The following DIP2B variants were observed in gnomAD, a reference collection of about 807,000 sequenced individuals.
DIP2B encodes the protein DIP2 acetate--CoA ligase B (putative), also known as disco-interacting protein 2 homolog B.
A neutral mutation model predicts 198.0 loss-of-function variants in DIP2B; 76 were observed. The observed-to-expected ratio is 0.38, with a 90% CI of 0.32 to 0.46. The LOEUF is 0.46. Among genes scored for constraint, DIP2B ranks in the 20% least tolerant of loss-of-function variants. The pLI is 0.99. For synonymous variants in DIP2B, 701 were observed against 739.1 expected (o/e 0.95, Z 0.84); for missense variants, 1,559 against 1,978.4 (o/e 0.79, Z 4.02).
intron 2 of DIP2B, among the ~76,000 whole-genome samples, chr12:50,632,434 G>A (rs1294412724): frequency 1.5e-5 from 2 of 136,296 alleles, no homozygotes; most frequent in African/African-American, 2.8e-5. Context: ...AGCCGAGATT[G>A]TGCCACTGCA....
chr12:50,534,844 G>GA (rs778539545), intron 1 of DIP2B, among the ~76,000 whole-genome samples: 2 of 152,190 alleles, frequency 1.3e-5, no homozygotes, highest in Non-Finnish European at 2.9e-5. Context: ...CTAGATGAGA[G>GA]AATCTAGTTC....
chr12:50,720,782 G>A (rs1474611262), intron 25 of DIP2B, among the ~76,000 whole-genome samples: 1 of 152,088 alleles, frequency 6.6e-6, no homozygotes, highest in East Asian at 1.9e-4. Context: ...GCAAGACCAT[G>A]TCAGAACAAA....
intron 2 of DIP2B, among the ~76,000 whole-genome samples, chr12:50,629,173 T>A (rs888374603): frequency 6.6e-6 from 1 of 152,210 alleles, no homozygotes; most frequent in East Asian, 1.9e-4. Context: ...TCAGCCACCA[T>A]GTCCTACCTA....
intron 1 of DIP2B, among the ~76,000 whole-genome samples, chr12:50,505,561 C>A (rs1011022784): frequency 3.3e-5 from 5 of 152,192 alleles, no homozygotes; most frequent in African/African-American, 1.2e-4. Context: ...GCGTCTGGCC[C>A]AGGTGGGGTG....
intron 22 of DIP2B, among the ~76,000 whole-genome samples, chr12:50,713,080 T>C (rs1250304116): frequency 6.6e-6 from 1 of 152,208 alleles, no homozygotes; most frequent in African/African-American, 2.4e-5. Context: ...CAAAATACAT[T>C]GTCTTCAGTT....
intron 1 of DIP2B, among the ~76,000 whole-genome samples, chr12:50,600,894 TCAC>T (rs34616785): frequency 0.26 from 31,182 of 121,312 alleles, 4,694 homozygotes; most frequent in East Asian, 0.54. Flanking sequence ...ATGACCACCA[TCAC>T]CACCACCACC....
In DIP2B at chr12:50,660,208, G is replaced by A. The variant is rs1301565018; in HGVS notation, c.316G>A (p.Ala106Thr). 6.2e-7 allele frequency: 1 copy of A among 1,608,318 alleles called. No homozygotes were observed. The highest frequency in any genetic ancestry group is 2.2e-5 in the East Asian group (1 of 44,734). Residue 106 changes from alanine (A) to threonine (T), a missense_variant, in exon 4 of 38, where the codon GCA (alanine) becomes ACA (threonine). Transcript: ENST00000301180. ...ERYRSDIHTEAVQAALAKHKE... is the reference protein window; with the variant it reads ...ERYRSDIHTETVQAALAKHKE... ...TGCTTTTTCAGATATCCACACAGAA[G>A]CAGTTCAGGCTGCACTGGCAAAGCA...
At chr12:50,510,171 A>G (rs1411757371) in intron 1 of DIP2B, among the ~76,000 whole-genome samples, 1 of 152,238 alleles carries the variant, frequency 6.6e-6, no homozygotes, top group Non-Finnish European at 1.5e-5. Flanking sequence ...TAGAGTGATT[A>G]TAAACTGATT....
At chr12:50,723,890 A>G (rs962639398) in intron 27 of DIP2B, among the ~76,000 whole-genome samples, 4 of 152,208 alleles carry the variant, frequency 2.6e-5, no homozygotes, top group African/African-American at 9.7e-5. Context: ...ACTTTTGTGA[A>G]TTTACTTGGT....
chr12:50,579,722 T>C (rs1244805183), intron 1 of DIP2B, among the ~76,000 whole-genome samples: 4 of 109,726 alleles, frequency 3.6e-5, no homozygotes, highest in East Asian at 2.8e-4. Flanking sequence ...TATATATACA[T>C]AGCTTCATGG....
chr12:50,700,290 CA>C (rs1409255796), intron 19 of DIP2B, among the ~76,000 whole-genome samples: 2 of 152,172 alleles, frequency 1.3e-5, no homozygotes, highest in Non-Finnish European at 1.5e-5. Context: ...GAAGTCAGAA[CA>C]GGGGCGGTTA....
In DIP2B at chr12:50,615,280, A is replaced by G. The variant is rs566538046; in HGVS notation, c.101-10696A>G. On this transcript the variant is annotated intron_variant, in intron 1 of 37. Coordinates refer to ENST00000301180, the MANE Select transcript of DIP2B (RefSeq NM_173602.3). ...CCCCGCCATTTCTTTTTTTTTCTAG[A>G]AGTTTGGCAACATTCATAATTAGAT... Among the ~76,000 whole-genome samples the G allele has an allele frequency of 3.9e-5, 6 of 152,216 alleles. No individual in the cohort carries two copies. The South Asian group carries it at 1.0e-3, about 26-fold the overall frequency.
At chr12:50,655,118 C>T (rs923465135) in intron 3 of DIP2B, 5 of 402,774 alleles carry the variant, frequency 1.2e-5, no homozygotes, top group African/African-American at 8.3e-5. Context: ...ATATTAGAAA[C>T]ATCTACATGC....
intron 11 of DIP2B, 113 bp downstream of exon 11, chr12:50,686,069 A>C (rs1565870563): frequency 9.4e-5 from 104 of 1,105,164 alleles, no homozygotes; most frequent in Non-Finnish European, 1.2e-4. Context: ...TTTAATTCTC[A>C]TAGTCTTATG....
chr12:50,511,094 C>T (rs1302459571), intron 1 of DIP2B, among the ~76,000 whole-genome samples: 1 of 150,500 alleles, frequency 6.6e-6, no homozygotes, highest in Non-Finnish European at 1.5e-5. Flanking sequence ...TACAGGCGCC[C>T]TCCACCATGC....
At chr12:50,700,469 C>A (rs912900764) in intron 19 of DIP2B, among the ~76,000 whole-genome samples, 1 of 152,084 alleles carries the variant, frequency 6.6e-6, no homozygotes, top group Non-Finnish European at 1.5e-5. Flanking sequence ...CTAGTGATTC[C>A]CAGGATGGAA....
intron 20 of DIP2B, 67 bp downstream of exon 20, chr12:50,704,287 C>G (rs1260480843): frequency 4.6e-6 from 7 of 1,506,662 alleles, no homozygotes; most frequent in East Asian, 4.6e-5. Context: ...ATTCACAGAA[C>G]AGAACAAATT....
chr12:50,604,432 A>C (rs1958965061), intron 1 of DIP2B, among the ~76,000 whole-genome samples: 1 of 152,100 alleles, frequency 6.6e-6, no homozygotes, highest in African/African-American at 2.4e-5. Context: ...CCTTTACAGA[A>C]GTTATCTTTT....
chr12:50,657,317 T>C (rs1938572106), intron 3 of DIP2B, among the ~76,000 whole-genome samples: 1 of 151,682 alleles, frequency 6.6e-6, no homozygotes, highest in Non-Finnish European at 1.5e-5. Context: ...TATGTAACAT[T>C]TATATAGTCT....
Sources: gnomAD v4.1 joint callset for allele counts (sites outside exome capture counted in the v4.1 genomes callset) on GRCh38, gnomAD v4.1.1 for gene constraint, MANE v1.5 for transcripts, NCBI Gene and HGNC (gene_info 2026-07-23, HGNC 2026-07-21) for gene names.